Variants in CNTN1 observed in about 807,000 individuals in gnomAD.
CNTN1 encodes contactin-1.
A neutral mutation model predicts 126.4 loss-of-function variants in CNTN1; 38 were observed. That is an observed-to-expected ratio of 0.30 (90% CI 0.23 to 0.39). The LOEUF (loss-of-function observed/expected upper bound fraction) is 0.39. CNTN1 is among the 10% of genes least tolerant of loss of function. CNTN1 has a pLI of 1.00. For missense variants in CNTN1, 1,009 were observed against 1,248.4 expected (o/e 0.81, Z 2.89); for synonymous variants, 413 against 422.6 (o/e 0.98, Z 0.28).
At chr12:40,707,370 T>A (rs960831330) in intron 1 of CNTN1, among the ~76,000 whole-genome samples, 3 of 150,850 alleles carry the variant, frequency 2.0e-5, no homozygotes, top group Non-Finnish European at 4.4e-5. Flanking sequence ...TGCCTCAGCC[T>A]CCCGAGTAGC....
intron 1 of CNTN1, among the ~76,000 whole-genome samples, chr12:40,829,456 T>C (rs1270828384): frequency 6.6e-6 from 1 of 152,028 alleles, no homozygotes; most frequent in Non-Finnish European, 1.5e-5. Flanking sequence ...AGACCAAGAA[T>C]AGATAAGGAC....
intron 1 of CNTN1, among the ~76,000 whole-genome samples, chr12:40,715,745 TCA>T (rs1942032622): frequency 6.6e-6 from 1 of 152,174 alleles, no homozygotes; most frequent in South Asian, 2.1e-4. Context: ...CCATCACAAA[TCA>T]CTAGTAAATG....
chr12:41,035,401 A>G (rs1253468476), intron 23 of CNTN1, among the ~76,000 whole-genome samples: 1 of 152,172 alleles, frequency 6.6e-6, no homozygotes, highest in Non-Finnish European at 1.5e-5. Context: ...ATTTTCAAAA[A>G]CATTTTGTTC....
chr12:40,992,766 C>G (rs753538002), intron 16 of CNTN1, among the ~76,000 whole-genome samples: 16 of 152,112 alleles, frequency 1.1e-4, no homozygotes, highest in Admixed American at 7.2e-4. Flanking sequence ...ACCTTTATCT[C>G]AGGAAATCTT....
intron 1 of CNTN1, among the ~76,000 whole-genome samples, chr12:40,868,583 C>T (rs909592640): frequency 2.6e-5 from 4 of 152,144 alleles, no homozygotes; most frequent in Non-Finnish European, 4.4e-5. Flanking sequence ...CTCCCCTGCT[C>T]TCTGCGTTAG....
intron 1 of CNTN1, among the ~76,000 whole-genome samples, chr12:40,875,683 G>A (rs1943645325): frequency 6.6e-6 from 1 of 152,006 alleles, no homozygotes; most frequent in Non-Finnish European, 1.5e-5. Context: ...GTTGTTGCAT[G>A]TATAAATATT....
chr12:40,966,523 A>G (rs1947314763), intron 15 of CNTN1, among the ~76,000 whole-genome samples: 1 of 152,216 alleles, frequency 6.6e-6, no homozygotes, highest in South Asian at 2.1e-4. Context: ...GCTGAAATGC[A>G]TATTTGGTTA....
At chr12:40,740,455 A>G (rs932740453) in intron 1 of CNTN1, among the ~76,000 whole-genome samples, 1 of 152,082 alleles carries the variant, frequency 6.6e-6, no homozygotes, top group African/African-American at 2.4e-5. Context: ...AGCCAAAATG[A>G]TTGATCATAA....
At chr12:40,832,797 C>A (rs868339743) in intron 1 of CNTN1, among the ~76,000 whole-genome samples, 2 of 152,154 alleles carry the variant, frequency 1.3e-5, no homozygotes, top group Non-Finnish European at 2.9e-5. Context: ...CCCACTACTA[C>A]AACCACCTTC....
At chr12:40,820,537 TC>T (rs1383836151) in intron 1 of CNTN1, among the ~76,000 whole-genome samples, 15 of 152,166 alleles carry the variant, frequency 9.9e-5, no homozygotes, top group Non-Finnish European at 2.2e-4. Context: ...TACAGTGGAA[TC>T]ATAGAGCCAG....
In CNTN1 at chr12:40,719,901, G is replaced by C. The variant is rs138936039; in HGVS notation, c.-77+27309G>C. 7.0e-3 allele frequency among the ~76,000 whole-genome samples: 1,062 copies of C among 151,950 alleles called. 11 individuals carry two copies. The highest frequency in any genetic ancestry group is 0.01 in the Non-Finnish European group (689 of 67,996). On this transcript the variant is annotated intron_variant, in intron 1 of 23. Transcript: ENST00000551295. ...TGCCCAGGCTGGAGTGCAGTGGCGC[G>C]ATCACGGCTCACTGCAAGCTCCGCC...
chr12:40,799,205 C>G (rs993778938), intron 1 of CNTN1, among the ~76,000 whole-genome samples: 1 of 150,634 alleles, frequency 6.6e-6, no homozygotes, highest in Admixed American at 6.6e-5. Context: ...AAATATATTA[C>G]TTATAATCAG....
intron 23 of CNTN1, among the ~76,000 whole-genome samples, chr12:41,037,218 G>T (rs1334950079): frequency 2.0e-5 from 3 of 151,992 alleles, no homozygotes; most frequent in Non-Finnish European, 2.9e-5. Flanking sequence ...GATTATAAAA[G>T]TTCCCAAATA....
chr12:40,972,088 T>G (rs2137048349), intron 15 of CNTN1: 1 of 985,654 alleles, frequency 1.0e-6, no homozygotes, highest in East Asian at 1.1e-4. Flanking sequence ...GTAGGGTTTT[T>G]GGAACAATTC....
At chr12:40,895,333 C>A (rs1175613490) in intron 1 of CNTN1, among the ~76,000 whole-genome samples, 3 of 152,132 alleles carry the variant, frequency 2.0e-5, no homozygotes, top group Non-Finnish European at 4.4e-5. Flanking sequence ...AGTCCATTTT[C>A]TATTGCTTCA....
At chr12:40,704,755 A>G (rs1179265200) in intron 1 of CNTN1, among the ~76,000 whole-genome samples, 2 of 152,186 alleles carry the variant, frequency 1.3e-5, no homozygotes, top group African/African-American at 4.8e-5. Context: ...GATTTTGGAG[A>G]TATTTTAAAC....
At chr12:40,789,778 C>T (rs1940152283) in intron 1 of CNTN1, among the ~76,000 whole-genome samples, 1 of 152,054 alleles carries the variant, frequency 6.6e-6, no homozygotes, top group South Asian at 2.1e-4. Context: ...TATTTTAATG[C>T]TATACTTTAT....
At chr12:40,812,943 ATT>A (rs36133223) in intron 1 of CNTN1, among the ~76,000 whole-genome samples, 3,201 of 131,628 alleles carry the variant, frequency 0.024, 84 homozygotes, top group African/African-American at 0.062. Flanking sequence ...CAGTTTGTTA[ATT>A]TTTTTTTTTT....
intron 1 of CNTN1, among the ~76,000 whole-genome samples, chr12:40,698,302 C>T (rs908523816): frequency 5.2e-5 from 7 of 134,412 alleles, no homozygotes; most frequent in Admixed American, 5.0e-4. Flanking sequence ...GTGGCGTGAT[C>T]TCAGCTCACT....
Sources: gnomAD v4.1 joint callset for allele counts (sites outside exome capture counted in the v4.1 genomes callset) on GRCh38, gnomAD v4.1.1 for gene constraint, MANE v1.5 for transcripts, NCBI Gene and HGNC (gene_info 2026-07-23, HGNC 2026-07-21) for gene names.